Variants in TBX19 observed in about 807,000 individuals in gnomAD.
TBX19 encodes T-box transcription factor TBX19.
Under a neutral mutation model 40.9 loss-of-function variants are expected in TBX19, and 33 were observed. The ratio of observed to expected loss-of-function variants is 0.81; its 90% CI spans 0.61 to 1.08. The LOEUF (loss-of-function observed/expected upper bound fraction) is 1.08, where lower values mean the gene tolerates loss of function less well. TBX19 is among the 50% of genes least tolerant of loss of function. TBX19 has a pLI of 0.00. For missense variants in TBX19, 494 were observed against 574.0 expected, an observed-to-expected ratio of 0.86 and a Z score of 1.42; for synonymous variants, 220 against 225.0, an observed-to-expected ratio of 0.98 and a Z score of 0.20.
At chr1:168,306,349 C>T (rs753431762) in intron 6 of TBX19, among the ~76,000 whole-genome samples, 3 of 152,062 alleles carry the variant, frequency 2.0e-5, no homozygotes, top group African/African-American at 7.2e-5. Flanking sequence ...GTTTCAGGGC[C>T]GGGAGCGGTG....
At chr1:168,312,677 A>G in intron 7 of TBX19, 31 bp from the exon 8 acceptor site, 1 of 1,604,240 alleles carries the variant, frequency 6.2e-7, no homozygotes, top group Admixed American at 1.7e-5. Flanking sequence ...GCCAGTGAAC[A>G]TTCCCTTCCC....
chr1:168,295,223 G>C (rs1215806233), intron 3 of TBX19, among the ~76,000 whole-genome samples: 1 of 151,972 alleles, frequency 6.6e-6, no homozygotes, highest in Non-Finnish European at 1.5e-5. Flanking sequence ...CCTGGGAGGC[G>C]GAGGTTGCAG....
At chr1:168,303,462 AG>A (rs1312217602) in intron 5 of TBX19, among the ~76,000 whole-genome samples, 3 of 152,168 alleles carry the variant, frequency 2.0e-5, no homozygotes, top group Non-Finnish European at 4.4e-5. Context: ...ACCACCTGAT[AG>A]GTTCTTCCTG....
At position 168,300,414 on chromosome 1, in the gene TBX19, T is replaced by C; in HGVS notation, c.666-8T>C. On this transcript the variant is annotated splice_polypyrimidine_tract_variant and splice_region_variant and intron_variant, in intron 4 of 7. Transcript: ENST00000367821. ...GACAGCCATGGTGCATTTTCTTTAC[T>C]CTTTCAGAAATCACCTAAGAGACGT... The C allele has an allele frequency of 3.1e-6, 5 of 1,614,034 alleles. No homozygotes were observed. Among genetic ancestry groups the C allele is most frequent in the Non-Finnish European group, 4.2e-6 (5 of 1,179,964 alleles).
At chr1:168,309,832 C>T (rs1463349255) in intron 7 of TBX19, among the ~76,000 whole-genome samples, 4 of 152,074 alleles carry the variant, frequency 2.6e-5, no homozygotes, top group South Asian at 2.1e-4. Context: ...GCTTTCTTAT[C>T]GGTATCATGG....
chr1:168,295,418 T>G (rs1306580345), intron 3 of TBX19, among the ~76,000 whole-genome samples: 2 of 152,194 alleles, frequency 1.3e-5, no homozygotes, highest in African/African-American at 4.8e-5. Context: ...ATTCTGTAGA[T>G]TTAAAAGTCT....
intron 1 of TBX19, among the ~76,000 whole-genome samples, chr1:168,285,119 T>C (rs1416762616): frequency 1.3e-5 from 2 of 152,230 alleles, no homozygotes; most frequent in African/African-American, 4.8e-5. Flanking sequence ...TGTATTTATG[T>C]AATCTGCCTT....
intron 1 of TBX19, among the ~76,000 whole-genome samples, chr1:168,282,180 C>T (rs1037294544): frequency 1.3e-5 from 2 of 152,110 alleles, no homozygotes; most frequent in Non-Finnish European, 2.9e-5. Flanking sequence ...TTTCAGTAGG[C>T]TTAGTTTTGG....
rs780569168 is a variant in TBX19 at position 168,291,154 on chromosome 1, T to C, written c.204-6T>C. On this transcript the variant is annotated splice_polypyrimidine_tract_variant and splice_region_variant and intron_variant, in intron 1 of 7. Coordinates refer to ENST00000367821, the MANE Select transcript of TBX19 (RefSeq NM_005149.3). ...CCTGTGGCTAAGTTTCTGCCTTTCCTTTTAGACGGATGTTTCCAGTCCTAA... is the reference window on the plus strand; with the variant it reads ...CCTGTGGCTAAGTTTCTGCCTTTCCCTTTAGACGGATGTTTCCAGTCCTAA... The C allele has an allele frequency of 6.2e-7, 1 of 1,614,088 alleles. No homozygotes were observed. The highest frequency in any genetic ancestry group is 1.7e-5 in the Admixed American group (1 of 60,032).
intron 1 of TBX19, among the ~76,000 whole-genome samples, chr1:168,283,747 C>G (rs1310041237): frequency 1.3e-5 from 2 of 152,158 alleles, no homozygotes; most frequent in Non-Finnish European, 2.9e-5. Context: ...GGTATGATTA[C>G]CCAGTCCTAG....
At chr1:168,289,605 T>A (rs1343906673) in intron 1 of TBX19, among the ~76,000 whole-genome samples, 2 of 152,318 alleles carry the variant, frequency 1.3e-5, no homozygotes, top group South Asian at 2.1e-4. Context: ...CCATTTAAAT[T>A]AATTTTCTCT....
At chr1:168,285,489 C>T (rs1648782966) in intron 1 of TBX19, among the ~76,000 whole-genome samples, 1 of 152,232 alleles carries the variant, frequency 6.6e-6, no homozygotes, top group African/African-American at 2.4e-5. Context: ...CCTCCAGCAG[C>T]ACTGACTTCT....
chr1:168,308,337 G>A (rs1227695597), intron 6 of TBX19: 2 of 289,154 alleles, frequency 6.9e-6, no homozygotes, highest in Non-Finnish European at 1.3e-5. Flanking sequence ...AGAAGAATAA[G>A]TTCCTGGACC....
chr1:168,284,768 C>CAAAAAA (rs146281397), intron 1 of TBX19, among the ~76,000 whole-genome samples: 2 of 75,014 alleles, frequency 2.7e-5, no homozygotes, highest in African/African-American at 5.2e-5. Context: ...GACCGTGTCT[C>CAAAAAA]AAAAAAAAAA....
chr1:168,305,836 T>C (rs1474942596), intron 6 of TBX19, among the ~76,000 whole-genome samples: 2 of 152,188 alleles, frequency 1.3e-5, no homozygotes, highest in Non-Finnish European at 2.9e-5. Context: ...ATTAGATTTG[T>C]AGAAAGAAGG....
At chr1:168,310,082 C>G (rs1342863548) in intron 7 of TBX19, among the ~76,000 whole-genome samples, 2 of 151,848 alleles carry the variant, frequency 1.3e-5, no homozygotes, top group Admixed American at 1.3e-4. Context: ...CAGGTAGATC[C>G]CCTCAAGTCA....
intron 5 of TBX19, among the ~76,000 whole-genome samples, chr1:168,302,544 C>G (rs1558193774): frequency 6.6e-6 from 1 of 152,128 alleles, no homozygotes; most frequent in Non-Finnish European, 1.5e-5. Flanking sequence ...AAGTCTCAGT[C>G]TTTGCCCATA....
chr1:168,280,967 G>C lies in TBX19; in HGVS notation c.-124G>C. On this transcript the variant is annotated 5_prime_UTR_variant, in exon 1 of 8. Transcript: ENST00000367821. The stretch of plus-strand genomic sequence containing the variant: ...TCCTAGGAGCTTAGGCAAGAGCCAG[G>C]GTATCTTCTCTCCGCTCCCCAAGCA... 1.1e-6 allele frequency: 1 copy of C among 887,648 alleles called. No homozygotes were observed. The highest frequency in any genetic ancestry group is 1.8e-6 in the Non-Finnish European group (1 of 550,008). 55.0% of individuals were successfully genotyped at this position (887,648 alleles called of 1,614,324 possible). A position where few individuals can be genotyped will look rare whatever the true frequency, so the allele number is the denominator to read the frequency against.
chr1:168,293,141 C>A lies in TBX19; in HGVS notation c.469-3C>A. ...TCCTCTTTCTCTTCTCCTGCCTCGA[C>A]AGATAATGTTGAATTCTCTGCATAA... On this transcript the variant is annotated splice_region_variant and splice_polypyrimidine_tract_variant and intron_variant, in intron 2 of 7. Coordinates refer to ENST00000367821, the MANE Select transcript of TBX19 (RefSeq NM_005149.3). The A allele has an allele frequency of 6.2e-7, 1 of 1,613,774 alleles. No individual in the cohort carries two copies. The highest frequency in any genetic ancestry group is 8.5e-7 in the Non-Finnish European group (1 of 1,179,896).
Sources: allele counts gnomAD v4.1 joint callset (sites outside exome capture counted in the v4.1 genomes callset), GRCh38; gene constraint gnomAD v4.1.1; transcripts MANE v1.5; gene names NCBI Gene and HGNC (gene_info 2026-07-23, HGNC 2026-07-21).